Variants in ESRRG observed in about 807,000 individuals in gnomAD.
ESRRG encodes estrogen-related receptor gamma.
A neutral mutation model predicts 44.0 loss-of-function variants in ESRRG; 13 were observed. The observed-to-expected ratio is 0.30, with a 90% CI of 0.19 to 0.47. The LOEUF (loss-of-function observed/expected upper bound fraction) is 0.47, where lower values mean the gene tolerates loss of function less well. Among genes scored for constraint, ESRRG ranks in the 20% least tolerant of loss-of-function variants. ESRRG has a pLI of 1.00. For synonymous variants in ESRRG, 215 were observed against 214.6 expected (o/e 1.00, Z -0.02); for missense variants, 395 against 580.6 (o/e 0.68, Z 3.29).
chr1:216,841,706 T>C (rs1358177312), intron 2 of ESRRG, among the ~76,000 whole-genome samples: 1 of 152,144 alleles, frequency 6.6e-6, no homozygotes, highest in East Asian at 1.9e-4. Context: ...CAGGGCCAGA[T>C]GTAGCCTGTA....
intron 2 of ESRRG, among the ~76,000 whole-genome samples, chr1:216,869,400 G>A (rs2149193830): frequency 6.6e-6 from 1 of 152,128 alleles, no homozygotes; most frequent in South Asian, 2.1e-4. Flanking sequence ...TTCTTGTTGA[G>A]GTCTATTGGT....
chr1:216,552,289 T>C (rs1406132885), intron 5 of ESRRG, among the ~76,000 whole-genome samples: 1 of 152,120 alleles, frequency 6.6e-6, no homozygotes, highest in East Asian at 1.9e-4. Flanking sequence ...TAAGCAGGAA[T>C]AGTATACTCT....
intron 2 of ESRRG, among the ~76,000 whole-genome samples, chr1:216,895,268 A>T (rs2058286534): frequency 6.6e-6 from 1 of 152,234 alleles, no homozygotes; most frequent in East Asian, 1.9e-4. Context: ...TACTTAGAAA[A>T]TTTTTGCTTG....
intron 1 of ESRRG, among the ~76,000 whole-genome samples, chr1:216,689,848 T>C (rs577492744): frequency 6.6e-6 from 1 of 151,044 alleles, no homozygotes; most frequent in African/African-American, 2.5e-5. Flanking sequence ...CTAATTCTGA[T>C]ATCTCTAAAT....
At chr1:216,600,735 G>GA (rs1165055287) in intron 3 of ESRRG, among the ~76,000 whole-genome samples, 7 of 152,166 alleles carry the variant, frequency 4.6e-5, no homozygotes, top group African/African-American at 9.7e-5. Flanking sequence ...GAAGTCCTGT[G>GA]AAAAAACTTT....
chr1:217,041,398 TGAAA>T (rs1216736787), intron 1 of ESRRG, among the ~76,000 whole-genome samples: 3 of 152,184 alleles, frequency 2.0e-5, no homozygotes, highest in African/African-American at 7.2e-5. Flanking sequence ...TTTTAAGAGT[TGAAA>T]GAATGTCTAT....
intron 2 of ESRRG, among the ~76,000 whole-genome samples, chr1:216,822,169 A>T (rs2095311531): frequency 6.6e-6 from 1 of 152,144 alleles, no homozygotes; most frequent in Non-Finnish European, 1.5e-5. Flanking sequence ...GTGAATTTCA[A>T]CCTCTGCATA....
chr1:216,585,691 C>G (rs924463321), intron 3 of ESRRG, among the ~76,000 whole-genome samples: 1 of 151,836 alleles, frequency 6.6e-6, no homozygotes, highest in African/African-American at 2.4e-5. Flanking sequence ...AAAAATAGGC[C>G]CAATCAAATC....
At chr1:216,696,506 G>T (rs1189098964) in intron 1 of ESRRG, among the ~76,000 whole-genome samples, 1 of 152,020 alleles carries the variant, frequency 6.6e-6, no homozygotes, top group Non-Finnish European at 1.5e-5. Context: ...AACAAAAAAG[G>T]TAACTTAGTC....
chr1:216,801,451 T>C (rs935981106), intron 2 of ESRRG, among the ~76,000 whole-genome samples: 1 of 152,182 alleles, frequency 6.6e-6, no homozygotes, highest in Non-Finnish European at 1.5e-5. Context: ...TGTTAACCAC[T>C]GTCTTATTCT....
intron 1 of ESRRG, among the ~76,000 whole-genome samples, chr1:216,998,654 T>C (rs2076659072): frequency 6.6e-6 from 1 of 152,240 alleles, no homozygotes; most frequent in African/African-American, 2.4e-5. Context: ...ATCTCAGCAA[T>C]GTGCATATAT....
chr1:216,814,741 G>T (rs990608515), intron 2 of ESRRG, among the ~76,000 whole-genome samples: 6 of 152,102 alleles, frequency 3.9e-5, no homozygotes, highest in African/African-American at 1.4e-4. Flanking sequence ...TCTGTCCAAG[G>T]CTCAGAGCCC....
At chr1:216,816,090 A>T (rs1202647793) in intron 2 of ESRRG, among the ~76,000 whole-genome samples, 1 of 152,192 alleles carries the variant, frequency 6.6e-6, no homozygotes, top group Non-Finnish European at 1.5e-5. Context: ...ACTTGCACAG[A>T]TGCTAAAGAA....
rs991065913 is a variant in ESRRG at position 216,935,851 on chromosome 1, G to A, written c.-14+3731C>T. ...AGGCTGGTCTTGAACTCCTGACCTC[G>A]TGACCTGCCTGCCTCGGCCTCCCAA... On this transcript the variant is annotated intron_variant, in intron 2 of 7. Coordinates refer to the ESRRG transcript ENST00000359162. 3.9e-4 allele frequency among the ~76,000 whole-genome samples: 59 copies of A among 152,090 alleles called. 1 individual carries two copies. Among genetic ancestry groups the A allele is most frequent in the East Asian group, 3.9e-4 (2 of 5,160 alleles).
In ESRRG at chr1:216,645,221, T is replaced by C. The variant is rs111315242; in HGVS notation, c.589+5752A>G. Among the ~76,000 whole-genome samples, 250 of 152,190 alleles carry C rather than the reference T, an allele frequency of 1.6e-3. 2 individuals are homozygous for C. Among genetic ancestry groups the C allele is most frequent in the African/African-American group, 5.8e-3 (240 of 41,530 alleles). ...CATATTTCTTGCTCCCCTAGGAAGA[T>C]GAAAAGCATTAGAAGAATTTTCAGT... On this transcript the variant is annotated intron_variant, in intron 3 of 6. Coordinates refer to ENST00000408911, the MANE Select transcript of ESRRG (RefSeq NM_001438.4).
chr1:216,716,197 CTT>C (rs780560247), intron 1 of ESRRG, among the ~76,000 whole-genome samples: 1 of 151,962 alleles, frequency 6.6e-6, no homozygotes, highest in South Asian at 2.1e-4. Flanking sequence ...ACTTCAGAGA[CTT>C]TTGTCTTTCT....
At chr1:216,714,835 G>A (rs541370930) in intron 1 of ESRRG, among the ~76,000 whole-genome samples, 7 of 152,060 alleles carry the variant, frequency 4.6e-5, no homozygotes, top group Non-Finnish European at 8.8e-5. Context: ...TGGCTCATAC[G>A]AATTGAAAGA....
chr1:216,839,654 T>C (rs2095620353), intron 2 of ESRRG, among the ~76,000 whole-genome samples: 1 of 152,194 alleles, frequency 6.6e-6, no homozygotes, highest in Non-Finnish European at 1.5e-5. Context: ...GAAACCAACA[T>C]TCATCAACAT....
intron 1 of ESRRG, among the ~76,000 whole-genome samples, chr1:216,951,340 T>C (rs1216550481): frequency 6.6e-6 from 1 of 152,234 alleles, no homozygotes; most frequent in Non-Finnish European, 1.5e-5. Flanking sequence ...GTGATACTAA[T>C]AAATCACTTT....
Sources: gnomAD v4.1 joint callset for allele counts (sites outside exome capture counted in the v4.1 genomes callset) on GRCh38, gnomAD v4.1.1 for gene constraint, MANE v1.5 for transcripts, NCBI Gene and HGNC (gene_info 2026-07-23, HGNC 2026-07-21) for gene names.